The following SARDH variants were observed in gnomAD, a reference collection of about 807,000 sequenced individuals.
SARDH encodes sarcosine dehydrogenase, also known as sarcosine dehydrogenase, mitochondrial.
SARDH carries 95 observed loss-of-function variants against 109.1 expected under a neutral mutation model. The observed-to-expected ratio is 0.87, with a 90% CI of 0.74 to 1.03. The LOEUF is 1.03. Among genes scored for constraint, SARDH ranks in the 50% least tolerant of loss-of-function variants. The probability of loss-of-function intolerance (pLI) is 0.00; values close to 1 mark genes in which losing one functional copy is unlikely to be tolerated. For synonymous variants in SARDH, 572 were observed against 534.8 expected, an observed-to-expected ratio of 1.07 and a Z score of -0.96; for missense variants, 1,267 against 1,287.8, an observed-to-expected ratio of 0.98 and a Z score of 0.25.
intron 6 of SARDH, among the ~76,000 whole-genome samples, chr9:133,720,964 C>T (rs551775717): frequency 4.0e-5 from 6 of 151,890 alleles, no homozygotes; most frequent in Admixed American, 2.0e-4. Context: ...CATCATCCAG[C>T]GATTAGGCTA....
At chr9:133,727,746 C>T (rs1366486456) in intron 6 of SARDH, among the ~76,000 whole-genome samples, 1 of 152,192 alleles carries the variant, frequency 6.6e-6, no homozygotes, top group African/African-American at 2.4e-5. Context: ...ACGCTGGGAT[C>T]TGGACTGGCT....
intron 4 of SARDH, among the ~76,000 whole-genome samples, 162 bp downstream of exon 4, chr9:133,731,143 C>G (rs1588457035): frequency 6.6e-6 from 1 of 152,248 alleles, no homozygotes; most frequent in East Asian, 1.9e-4. Flanking sequence ...ATAGCCTCCC[C>G]TTGGCAGGAG....
intron 17 of SARDH, among the ~76,000 whole-genome samples, chr9:133,674,036 C>A (rs1301918868): frequency 6.6e-6 from 1 of 152,228 alleles, no homozygotes; most frequent in East Asian, 1.9e-4. Context: ...GGGGGCCACA[C>A]CTGCTTCCTG....
rs539612359 is a variant in SARDH at position 133,724,393 on chromosome 9, A to T, written c.916-5351T>A. Among the ~76,000 whole-genome samples, 10 of 152,280 alleles carry T rather than the reference A, an allele frequency of 6.6e-5. No individual in the cohort carries two copies. In the East Asian group the frequency reaches 1.9e-3, roughly 29 times the overall value. On this transcript the variant is annotated intron_variant, in intron 6 of 20. Coordinates refer to ENST00000439388, the MANE Select transcript of SARDH (RefSeq NM_001134707.2). ...CTCCAAAGAAGATACACAAATAGTC[A>T]GTAAGCACATGAAGAGATGCCCCAC... is the stretch of plus-strand genomic sequence containing the variant.
chr9:133,696,191 A>T (rs927958310), intron 14 of SARDH, 32 bp downstream of exon 14: 43 of 1,611,074 alleles, frequency 2.7e-5, no homozygotes, highest in Non-Finnish European at 3.6e-5. Flanking sequence ...ATGGAGTGAC[A>T]GGAACATGCC....
downstream of SARDH, among the ~76,000 whole-genome samples, chr9:133,662,674 T>C (rs1391049324): frequency 6.6e-6 from 1 of 152,208 alleles, no homozygotes; most frequent in Non-Finnish European, 1.5e-5. This position sits in a 1 kb window ranked among gnomAD's most constrained non-coding sequence, Gnocchi z 5.1. Flanking sequence ...GAGCGTCCAG[T>C]GGCAGCTGGG....
At position 133,712,673 on chromosome 9, in the gene SARDH, G is replaced by A. The variant is rs755908246; in HGVS notation, c.1274C>T (p.Ala425Val). The change falls in exon 10 of 21, where the codon GCC (alanine) becomes GTC (valine). Residue 425 changes from alanine (A) to valine (V), a missense_variant. Ala to Val is a moderately conservative substitution (Grantham distance 64). Coordinates refer to ENST00000439388, the MANE Select transcript of SARDH (RefSeq NM_001134707.2). This position sits in a 1 kb window ranked among gnomAD's most constrained non-coding sequence, Gnocchi z 4.1. ...MLGGGCGQEL[A>V]HWIIHGRPEK... The stretch of plus-strand genomic sequence containing the variant: ...CGGGCGCCCATGGATGATCCAGTGG[G>A]CCAGCTCCTGCCCACAGCCACCACC... 1.2e-6 allele frequency: 2 copies of A among 1,609,880 alleles called. No individual in the cohort carries two copies. Among genetic ancestry groups the A allele is most frequent in the South Asian group, 1.1e-5 (1 of 91,072 alleles).
At position 133,729,822 on chromosome 9, in the gene SARDH, G is replaced by A. The variant is rs1832613022; in HGVS notation, c.858C>T (p.Val286=). 6 of 1,612,446 alleles carry A rather than the reference G, an allele frequency of 3.7e-6. No individual in the cohort carries two copies. The highest frequency in any genetic ancestry group is 4.2e-6 in the Non-Finnish European group (5 of 1,180,032). The change falls in exon 6 of 21, where the codon GTC becomes GTT. Residue 286 remains valine (V), a synonymous_variant. Transcript: ENST00000439388. ...AGGCATGGTGCATGGCCACCAGCGG[G>A]ACCTTGACTCCAGCCATCCGGCCCA... is the stretch of plus-strand genomic sequence containing the variant. ...SAVGRMAGVK[V]PLVAMHHAYV... is the part of the protein sequence containing the mutation.
chr9:133,733,569 G>A (rs976206909), intron 2 of SARDH, among the ~76,000 whole-genome samples: 1 of 152,164 alleles, frequency 6.6e-6, no homozygotes, highest in Admixed American at 6.5e-5. Flanking sequence ...CTGCCCTCTG[G>A]ACAGCTGCCT....
At chr9:133,698,885 G>C (rs547318609) in intron 13 of SARDH, among the ~76,000 whole-genome samples, 1 of 152,212 alleles carries the variant, frequency 6.6e-6, no homozygotes, top group African/African-American at 2.4e-5. Flanking sequence ...AAAAACACAA[G>C]CAACAAAACA....
At chr9:133,713,991 C>T (rs11999717) in intron 8 of SARDH, among the ~76,000 whole-genome samples, 2,155 of 152,318 alleles carry the variant, frequency 0.014, 59 homozygotes, top group African/African-American at 0.05. Flanking sequence ...AAAAAACAGA[C>T]GGTCTCGTAA....
intron 17 of SARDH, among the ~76,000 whole-genome samples, chr9:133,682,837 ACGCG>A (rs1172189375): frequency 1.4e-5 from 2 of 144,588 alleles, no homozygotes; most frequent in African/African-American, 5.4e-5. Context: ...GCTGAAACCC[ACGCG>A]CAGTGATGGT....
At chr9:133,700,737 G>GCA (rs928007218) in intron 13 of SARDH, among the ~76,000 whole-genome samples, 10 of 130,348 alleles carry the variant, frequency 7.7e-5, no homozygotes, top group Admixed American at 3.0e-4. Flanking sequence ...ACACGCACGC[G>GCA]CACACACACA....
intron 10 of SARDH, among the ~76,000 whole-genome samples, chr9:133,710,531 C>T (rs890580952): frequency 6.6e-6 from 1 of 152,252 alleles, no homozygotes; most frequent in African/African-American, 2.4e-5. Context: ...GGACGACCCA[C>T]GCGTGTTCTG....
At chr9:133,735,802 G>C (rs987158163) in intron 1 of SARDH, among the ~76,000 whole-genome samples, 5 of 152,320 alleles carry the variant, frequency 3.3e-5, no homozygotes, top group Non-Finnish European at 7.3e-5. Context: ...CCAGCACTTG[G>C]GGAGGCCGAG....
chr9:133,724,206 C>T (rs1453966391), intron 6 of SARDH, among the ~76,000 whole-genome samples: 1 of 152,136 alleles, frequency 6.6e-6, no homozygotes, highest in Non-Finnish European at 1.5e-5. Flanking sequence ...AGGGAAAAGA[C>T]AACCACTGAA....
intron 16 of SARDH, among the ~76,000 whole-genome samples, chr9:133,688,372 C>T (rs1433813293): frequency 2.6e-5 from 4 of 151,496 alleles, no homozygotes; most frequent in Non-Finnish European, 4.4e-5. Context: ...CATCCACTGT[C>T]GGGTGCTATG....
Position 133,733,978 on chromosome 9 carries a change from T to G in SARDH, c.196A>C (p.Thr66Pro), listed in dbSNP as rs1362550582. ...AQGPSRPLPS[T>P]ANVVVIGGGS... ...CCACCAATGACCACCACGTTGGCCGTGCTGGGCAGGGGCCGGCTTGGGCCT... is the reference window on the plus strand; with the variant it reads ...CCACCAATGACCACCACGTTGGCCGGGCTGGGCAGGGGCCGGCTTGGGCCT... Residue 66 changes from threonine (T) to proline (P), a missense_variant, in exon 2 of 21, where the codon ACG becomes CCG. Coordinates refer to ENST00000439388, the MANE Select transcript of SARDH (RefSeq NM_001134707.2). 1.2e-6 allele frequency: 2 copies of G among 1,612,176 alleles called. No individual in the cohort carries two copies. The highest frequency in any genetic ancestry group is 1.7e-6 in the Non-Finnish European group (2 of 1,179,598).
rs1006444750 is a variant in SARDH at position 133,712,201 on chromosome 9, G to A, written c.1328+418C>T. ...CTTGCACTGGGTCTCATTCCTGGCCGCTTTGTCAGTGTACGATTGAACGGG... is the reference window on the plus strand; with the variant it reads ...CTTGCACTGGGTCTCATTCCTGGCCACTTTGTCAGTGTACGATTGAACGGG... On this transcript the variant is annotated intron_variant, in intron 10 of 20. Transcript: ENST00000439388. This position sits in a 1 kb window ranked among gnomAD's most constrained non-coding sequence, Gnocchi z 4.1. 3.9e-5 allele frequency among the ~76,000 whole-genome samples: 6 copies of A among 152,192 alleles called. No individual in the cohort carries two copies. Among genetic ancestry groups the A allele is most frequent in the African/African-American group, 1.2e-4 (5 of 41,442 alleles).
Sources: gnomAD v4.1 joint callset for allele counts (sites outside exome capture counted in the v4.1 genomes callset) on GRCh38, gnomAD v4.1.1 for gene constraint, Gnocchi (gnomAD v3.1) non-coding constraint, MANE v1.5 for transcripts, NCBI Gene and HGNC (gene_info 2026-07-23, HGNC 2026-07-21) for gene names.